Variants in SPDYE18 observed in about 807,000 individuals in gnomAD.
The protein encoded by SPDYE18 is speedy protein E18.
A neutral mutation model predicts 44.9 loss-of-function variants in SPDYE18; 6 were observed. That is an observed-to-expected ratio of 0.13 (90% CI 0.07 to 0.26). The LOEUF is 0.26. Among genes scored for constraint, SPDYE18 ranks in the 10% least tolerant of loss-of-function variants. SPDYE18 has a pLI of 1.00. For missense variants in SPDYE18, 121 were observed against 463.2 expected (o/e 0.26, Z 6.78); for synonymous variants, 35 against 177.1 (o/e 0.20, Z 6.37).
At chr7:77,054,682 C>T (rs1243954060) in intron 6 of SPDYE18, among the ~76,000 whole-genome samples, 2 of 152,052 alleles carry the variant, frequency 1.3e-5, no homozygotes, top group East Asian at 1.9e-4. Flanking sequence ...CTCCTCCACT[C>T]CTTTTCTTTT....
intron 1 of SPDYE18, among the ~76,000 whole-genome samples, 83 bp from the exon 2 acceptor site, chr7:77,061,016 A>ATCACGTG (rs1562795139): frequency 1.3e-4 from 13 of 97,282 alleles, no homozygotes; most frequent in East Asian, 3.2e-4. Flanking sequence ...ATTATCATGT[A>ATCACGTG]CAAGAGTGAG....
intron 6 of SPDYE18, among the ~76,000 whole-genome samples, chr7:77,054,767 G>T (rs1448490430): frequency 7.4e-6 from 1 of 135,510 alleles, no homozygotes; most frequent in South Asian, 2.4e-4. Flanking sequence ...TTGTTTTTTT[G>T]GCTTTTTTTT....
intron 6 of SPDYE18, 69 bp from the exon 7 acceptor site, chr7:77,053,272 C>A (rs1208202794): frequency 1.9e-6 from 3 of 1,597,976 alleles, no homozygotes. Flanking sequence ...GGTCAGCTTC[C>A]CAGAGAGGAA....
At chr7:77,060,274 G>T in intron 2 of SPDYE18, 79 bp downstream of exon 2, 4 of 1,527,204 alleles carry the variant, frequency 2.6e-6, no homozygotes, top group Non-Finnish European at 8.8e-7. Flanking sequence ...TGGGGTTACA[G>T]GCGTGAGCCA....
chr7:77,060,681 A>G lies in SPDYE18; in HGVS notation c.-169T>C, dbSNP rs976931373. On this transcript the variant is annotated 5_prime_UTR_variant, in exon 2 of 9. It removes an upstream start codon present in the reference 5' UTR. Coordinates refer to ENST00000510091, the MANE Select transcript of SPDYE18 (RefSeq NM_001394953.1). Reference sequence around the variant, plus strand: ...CAGGAAGGTCGGAATCTCTGATGTCATCGTTCATGCCAACCTGGCAACCAG... The same window carrying G: ...CAGGAAGGTCGGAATCTCTGATGTCGTCGTTCATGCCAACCTGGCAACCAG... Among the ~76,000 whole-genome samples the G allele has an allele frequency of 4.6e-5, 7 of 151,476 alleles. No homozygotes were observed. The highest frequency in any genetic ancestry group is 4.6e-4 in the Admixed American group (7 of 15,182).
rs1338826364 is a variant in SPDYE18 at position 77,051,430 on chromosome 7, T to C, written c.*495A>G. Among the ~76,000 whole-genome samples the C allele has an allele frequency of 1.3e-5, 2 of 152,402 alleles. No homozygotes were observed. Among genetic ancestry groups the C allele is most frequent in the Non-Finnish European group, 2.9e-5 (2 of 68,042 alleles). ...AACATTTCCAAACAAACCAATAAAATGCAGAGTGTGCATGAAGCTATCTGT... is the reference window on the plus strand; with the variant it reads ...AACATTTCCAAACAAACCAATAAAACGCAGAGTGTGCATGAAGCTATCTGT... On this transcript the variant is annotated 3_prime_UTR_variant, in exon 9 of 9. Coordinates refer to ENST00000510091, the MANE Select transcript of SPDYE18 (RefSeq NM_001394953.1).
At position 77,060,423 on chromosome 7, in the gene SPDYE18, C is replaced by T. The variant is rs1216365163; in HGVS notation, c.90G>A (p.Gln30=). 1 of 1,535,538 alleles carries T rather than the reference C, an allele frequency of 6.5e-7. No individual in the cohort carries two copies. The highest frequency in any genetic ancestry group is 2.4e-5 in the East Asian group (1 of 40,918). The change falls in exon 2 of 9, where the codon CAG becomes CAA. Residue 30 remains glutamine (Q), a synonymous_variant. Coordinates refer to ENST00000510091, the MANE Select transcript of SPDYE18 (RefSeq NM_001394953.1). ...ACCCCGAGGTGCTCCGCTGGAGACT[C>T]TGCTCATTCTGGGGGTGCGGTTGAC... is the stretch of plus-strand genomic sequence containing the variant. ...TSRQPHPQNE[Q]SLQRSTSGYP... is the part of the protein sequence containing the mutation.
chr7:77,058,217 C>T (rs58577916), intron 3 of SPDYE18, among the ~76,000 whole-genome samples: 2 of 113,862 alleles, frequency 1.8e-5, no homozygotes, highest in Admixed American at 9.9e-5. Context: ...CTGGAACCTC[C>T]GCCTCCTGGG....
rs1241826480 is a variant in SPDYE18, at chr7:77,050,428, T to C, written c.*1497A>G. On this transcript the variant is annotated 3_prime_UTR_variant, in exon 9 of 9. Transcript: ENST00000510091. ...TGAAGGTGAGAAAAGTTCATTTTTA[T>C]TATGTTTCCACAAGAGACGCACTCT... Among the ~76,000 whole-genome samples, 1 of 152,234 alleles carries C rather than the reference T, an allele frequency of 6.6e-6. No individual in the cohort carries two copies. The highest frequency in any genetic ancestry group is 1.9e-4 in the East Asian group (1 of 5,204).
In SPDYE18 at chr7:77,054,576, C is replaced by T. The variant is rs567547450; in HGVS notation, c.755+660G>A. On this transcript the variant is annotated intron_variant, in intron 6 of 8. Coordinates refer to ENST00000510091, the MANE Select transcript of SPDYE18 (RefSeq NM_001394953.1). ...TGAACTGTGGCCTCTGTCATGGGAA[C>T]CCAGAGGAGGTCGATGGCGTTTGTG... Among the ~76,000 whole-genome samples the T allele has an allele frequency of 1.6e-4, 24 of 152,042 alleles. No homozygotes were observed. The South Asian group carries it at 3.5e-3, about 22-fold the overall frequency.
chr7:77,056,635 T>C (rs1455519390), intron 4 of SPDYE18, 27 bp from the exon 5 acceptor site: 1 of 790,186 alleles, frequency 1.3e-6, no homozygotes, highest in Non-Finnish European at 2.1e-6. Context: ...GATGTCAGTG[T>C]GAGAAGCAGG....
At chr7:77,053,665 C>A (rs1789856835) in intron 6 of SPDYE18, among the ~76,000 whole-genome samples, 1 of 152,224 alleles carries the variant, frequency 6.6e-6, no homozygotes, top group Non-Finnish European at 1.5e-5. Context: ...CACGGAGAAA[C>A]CCCATCTCTA....
chr7:77,056,713 TGTGGCTGCGG>T (rs1406198663), intron 4 of SPDYE18, 105 bp from the exon 5 acceptor site: 1 of 1,387,652 alleles, frequency 7.2e-7, no homozygotes, highest in East Asian at 2.9e-5. Context: ...GTCTCAGGAT[TGTGGCTGCGG>T]GTGAGGTGGA....
intron 2 of SPDYE18, 25 bp downstream of exon 2, chr7:77,060,328 C>T: frequency 6.5e-7 from 1 of 1,535,126 alleles, no homozygotes; most frequent in South Asian, 1.2e-5. Flanking sequence ...CCCTATCCCA[C>T]CTCTTCTTCC....
chr7:77,052,906 C>T (rs2117312659), intron 7 of SPDYE18, 54 bp downstream of exon 7: 2 of 1,612,340 alleles, frequency 1.2e-6, no homozygotes. Flanking sequence ...CTCATCCAGC[C>T]TCCAGCCCAC....
rs1488838332 is a variant in SPDYE18 at position 77,050,554 on chromosome 7, T to G, written c.*1371A>C. Among the ~76,000 whole-genome samples the G allele has an allele frequency of 2.0e-5, 3 of 152,234 alleles. No individual in the cohort carries two copies. The highest frequency in any genetic ancestry group is 4.4e-5 in the Non-Finnish European group (3 of 68,042). On this transcript the variant is annotated 3_prime_UTR_variant, in exon 9 of 9. Transcript: ENST00000510091. ...CCAAAACAAGGTAAAAAATTACATC[T>G]GAATTCTCACATTTCAAACATATAT...
At chr7:77,060,033 T>C (rs577782639) in intron 2 of SPDYE18, among the ~76,000 whole-genome samples, 8 of 145,764 alleles carry the variant, frequency 5.5e-5, no homozygotes, top group Non-Finnish European at 9.1e-5. Context: ...CTTTTCTTTT[T>C]TTTTTTTTTT....
In SPDYE18 at chr7:77,055,010, T is replaced by C. The variant is rs368923691; in HGVS notation, c.755+226A>G. Among the ~76,000 whole-genome samples the C allele has an allele frequency of 7.5e-4, 114 of 152,328 alleles. No individual in the cohort carries two copies. In the Middle Eastern group the frequency reaches 0.014, roughly 18 times the overall value. On this transcript the variant is annotated intron_variant, in intron 6 of 8. Transcript: ENST00000510091. The stretch of plus-strand genomic sequence containing the variant: ...CTCGAACTGCTGACCTCAGGTGATC[T>C]GCCTGCCTCGGCCTCCCAAAGTGCT...
chr7:77,061,597 TA>T (rs1200579775), intron 1 of SPDYE18, among the ~76,000 whole-genome samples: 1 of 110,700 alleles, frequency 9.0e-6, no homozygotes, highest in African/African-American at 3.9e-5. Flanking sequence ...AGCCCATCTC[TA>T]AAAAAACCAA....
Sources: allele counts gnomAD v4.1 joint callset (sites outside exome capture counted in the v4.1 genomes callset), GRCh38; gene constraint gnomAD v4.1.1; transcripts MANE v1.5; gene names NCBI Gene and HGNC (gene_info 2026-07-23, HGNC 2026-07-21).